The following CAPNS1 variants were observed in gnomAD, a reference collection of about 807,000 sequenced individuals.
CAPNS1 encodes CANP small subunit.
Under a neutral mutation model 39.2 loss-of-function variants are expected in CAPNS1, and 32 were observed. The observed-to-expected ratio is 0.82, with a 90% CI of 0.62 to 1.10. The LOEUF (loss-of-function observed/expected upper bound fraction) is 1.10. Among genes scored for constraint, CAPNS1 ranks in the 50% least tolerant of loss-of-function variants. CAPNS1 has a pLI of 0.00. For missense variants in CAPNS1, 353 were observed against 373.1 expected (o/e 0.95, Z 0.44); for synonymous variants, 153 against 136.2 (o/e 1.12, Z -0.86).
At chr19:36,140,932 C>T in intron 1 of CAPNS1, 65 bp from the exon 2 acceptor site, 1 of 1,575,622 alleles carries the variant, frequency 6.3e-7, no homozygotes, top group East Asian at 2.5e-5. Context: ...GCCGGAAATG[C>T]GTGTTTGAAG....
At chr19:36,141,356 G>C in intron 2 of CAPNS1, 136 bp downstream of exon 2, 3 of 1,365,730 alleles carry the variant, frequency 2.2e-6, no homozygotes, top group Non-Finnish European at 2.8e-6. Context: ...ATTAGGCCGG[G>C]GAGGCCTGGT....
intron 9 of CAPNS1, among the ~76,000 whole-genome samples, chr19:36,146,569 G>C (rs1017384256): frequency 1.3e-5 from 2 of 152,176 alleles, no homozygotes; most frequent in Non-Finnish European, 2.9e-5. Flanking sequence ...GGGCAGCACA[G>C]GCCGAGGGTC....
Position 36,150,226 on chromosome 19 carries a change from C to T in CAPNS1, c.*387C>T, listed in dbSNP as rs1974729885. On this transcript the variant is annotated 3_prime_UTR_variant, in exon 11 of 11. Transcript: ENST00000246533. ...CCTGCACGCCCTGGCACACCCTTCACGGTTGCTACCCAGGCGGCCAAGCTC... is the reference window on the plus strand; with the variant it reads ...CCTGCACGCCCTGGCACACCCTTCATGGTTGCTACCCAGGCGGCCAAGCTC... The T allele has an allele frequency of 1.0e-5, 2 of 193,080 alleles. No homozygotes were observed. The highest frequency in any genetic ancestry group is 1.8e-4 in the South Asian group (1 of 5,484). The allele number at this position is 193,080 out of a possible 1,614,324, so 12.0% of individuals were successfully genotyped here.
At chr19:36,148,812 C>CA (rs34740376) in intron 9 of CAPNS1, among the ~76,000 whole-genome samples, 6,300 of 144,142 alleles carry the variant, frequency 0.044, 179 homozygotes, top group Non-Finnish European at 0.062. Context: ...GACTCTGTCT[C>CA]AAAAAAAAAA....
At chr19:36,146,336 C>A in intron 9 of CAPNS1, 24 bp downstream of exon 9, 1 of 1,493,418 alleles carries the variant, frequency 6.7e-7, no homozygotes, top group Non-Finnish European at 9.3e-7. Flanking sequence ...CAGCTGTCTT[C>A]CTGGGTGGGG....
chr19:36,143,120 G>A lies in CAPNS1; in HGVS notation c.448G>A (p.Val150Met), dbSNP rs775310786. 14 of 1,613,906 alleles carry A rather than the reference G, an allele frequency of 8.7e-6. No homozygotes were observed. Among genetic ancestry groups the A allele is most frequent in the Admixed American group, 3.3e-5 (2 of 60,030 alleles). ...TGACACATGTCGCAGCATGGTGGCC[G>A]TGATGGATGTATCCTTGGGGGCAGT... ...GIDTCRSMVA[V>M]MDSDTTGKLG... The change falls in exon 6 of 11, where the codon GTG becomes ATG. Residue 150 changes from valine to methionine, a missense_variant. By Grantham distance (21) the Val-to-Met change is conservative (BLOSUM62 1). Coordinates refer to ENST00000246533, the MANE Select transcript of CAPNS1 (RefSeq NM_001749.4).
At chr19:36,140,883 C>A in intron 1 of CAPNS1, 114 bp from the exon 2 acceptor site, 1 of 1,519,406 alleles carries the variant, frequency 6.6e-7, no homozygotes, top group Admixed American at 1.9e-5. Context: ...CAAACTCAGA[C>A]CCCCACCCGG....
chr19:36,149,994 A>C lies in CAPNS1; in HGVS notation c.*155A>C. On this transcript the variant is annotated 3_prime_UTR_variant, in exon 11 of 11. Transcript: ENST00000246533. ...CTCAGTACTTGTTACCCAGCTTCTC[A>C]ACATCCAGGGCCCAATTTGCCCTGC... 7 of 669,808 alleles carry C rather than the reference A, an allele frequency of 1.0e-5. No homozygotes were observed. Among genetic ancestry groups the C allele is most frequent in the South Asian group, 4.4e-5 (1 of 22,942 alleles). 41.5% of individuals were successfully genotyped at this position (669,808 alleles called of 1,614,324 possible).
intron 9 of CAPNS1, 32 bp from the exon 10 acceptor site, chr19:36,149,546 C>T: frequency 6.9e-7 from 1 of 1,442,742 alleles, no homozygotes. Flanking sequence ...CCTTCCTTCC[C>T]TGCCGCCAAA....
rs1974440008 is a variant in CAPNS1 at position 36,143,104 on chromosome 19, T to C, written c.432T>C (p.Cys144=). 1.9e-6 allele frequency: 3 copies of C among 1,614,034 alleles called. No homozygotes were observed. In the South Asian group the frequency reaches 3.3e-5, roughly 18 times the overall value. The change falls in exon 6 of 11, where the codon TGT becomes TGC. Residue 144 remains cysteine (C), a synonymous_variant. Transcript: ENST00000246533. ...CTGATGGTTTTGGCATTGACACATG[T>C]CGCAGCATGGTGGCCGTGATGGATG... ...LKTDGFGIDT[C]RSMVAVMDSD... is the part of the protein sequence containing the mutation.
chr19:36,149,094 G>T (rs144188049), intron 9 of CAPNS1, among the ~76,000 whole-genome samples: 2 of 152,310 alleles, frequency 1.3e-5, no homozygotes, highest in African/African-American at 2.4e-5. Context: ...GGGCAGAGGT[G>T]ATATCAGTAC....
Position 36,145,806 on chromosome 19 carries a change from A to G in CAPNS1, c.457A>G (p.Ser153Gly), listed in dbSNP as rs764310593. 3.2e-5 allele frequency: 52 copies of G among 1,613,838 alleles called. No individual in the cohort carries two copies. Among genetic ancestry groups the G allele is most frequent in the Non-Finnish European group, 4.2e-5 (49 of 1,179,898 alleles). ...TCRSMVAVMD[S>G]DTTGKLGFEE... The stretch of plus-strand genomic sequence containing the variant: ...ACTCTTCTTAACACCCTCCCACCAG[A>G]GCGACACCACAGGCAAGCTGGGCTT... The change falls in exon 7 of 11, where the codon AGC (serine) becomes GGC (glycine). Residue 153 changes from serine to glycine, a missense_variant and splice_region_variant. Transcript: ENST00000246533.
At chr19:36,140,849 C>T (rs1261526368) in intron 1 of CAPNS1, 148 bp from the exon 2 acceptor site, 2 of 1,232,566 alleles carry the variant, frequency 1.6e-6, no homozygotes, top group African/African-American at 3.2e-5. Flanking sequence ...CCTGCCCCAC[C>T]CATCCGCGGA....
At chr19:36,147,476 C>T (rs1459368405) in intron 9 of CAPNS1, among the ~76,000 whole-genome samples, 1 of 152,156 alleles carries the variant, frequency 6.6e-6, no homozygotes, top group Non-Finnish European at 1.5e-5. Flanking sequence ...AGAAAGATCC[C>T]TTGGCCTCGG....
In CAPNS1 at chr19:36,149,940, G is replaced by C; in HGVS notation, c.*101G>C. 8.8e-7 allele frequency: 1 copy of C among 1,135,164 alleles called. No individual in the cohort carries two copies. The highest frequency in any genetic ancestry group is 1.2e-6 in the Non-Finnish European group (1 of 850,416). The allele number at this position is 1,135,164 out of a possible 1,614,324, so 70.3% of individuals were successfully genotyped here. A position where few individuals can be genotyped will look rare whatever the true frequency, so the allele number is the denominator to read the frequency against. On this transcript the variant is annotated 3_prime_UTR_variant, in exon 11 of 11. Transcript: ENST00000246533. ...TCCTGTCTGCAGTCACATCTTTGTG[G>C]GGCCTGCTGACCCACAAGCTTTTGT... is the stretch of plus-strand genomic sequence containing the variant.
At position 36,142,338 on chromosome 19, in the gene CAPNS1, GC is replaced by G. The variant is rs766196907; in HGVS notation, c.243+10del. 7 of 1,507,060 alleles carry G rather than the reference GC, an allele frequency of 4.6e-6. No individual in the cohort carries two copies. Among genetic ancestry groups the G allele is most frequent in the Non-Finnish European group, 6.3e-6 (7 of 1,108,988 alleles). 93.4% of individuals were successfully genotyped at this position (1,507,060 alleles called of 1,614,324 possible). On this transcript the variant is annotated splice_donor_region_variant and intron_variant, in intron 3 of 10. Transcript: ENST00000246533. ...CAGTACAACCCGGAGCCCCCGGTAA[GC>G]CCCCTCTGCAACCAGACCCCCTTCT...
Position 36,141,137 on chromosome 19 carries a change from CGGCGGCGGCGGCGGCGGT to C in CAPNS1, c.129_146del (p.Gly51_Gly56del), listed in dbSNP as rs1288534936. On this transcript the variant is annotated inframe_deletion, in exon 2 of 11. Transcript: ENST00000246533. The stretch of plus-strand genomic sequence containing the variant: ...GCGGGGCCGGGGGCGGCGGCGGCGG[CGGCGGCGGCGGCGGCGGT>C]GGTGGAGGCGGCGGTGGCGGTGGAA... 5.8e-6 allele frequency: 8 copies of C among 1,383,076 alleles called. No homozygotes were observed. Among genetic ancestry groups the C allele is most frequent in the Non-Finnish European group, 7.5e-6 (8 of 1,072,098 alleles). 85.7% of individuals were successfully genotyped at this position (1,383,076 alleles called of 1,614,324 possible).
chr19:36,147,495 G>A (rs1008867138), intron 9 of CAPNS1, among the ~76,000 whole-genome samples: 8 of 152,090 alleles, frequency 5.3e-5, no homozygotes, highest in Admixed American at 4.6e-4. Context: ...GGCTGGGCAC[G>A]GTGGCTCACG....
intron 2 of CAPNS1, 51 bp from the exon 3 acceptor site, chr19:36,142,249 C>T (rs548957904): frequency 3.0e-5 from 38 of 1,271,726 alleles, no homozygotes; most frequent in East Asian, 2.8e-4. Flanking sequence ...TAGTGCTGCC[C>T]GTTGGAGGCC....
Sources: allele counts gnomAD v4.1 joint callset (sites outside exome capture counted in the v4.1 genomes callset), GRCh38; gene constraint gnomAD v4.1.1; transcripts MANE v1.5; gene names NCBI Gene and HGNC (gene_info 2026-07-23, HGNC 2026-07-21).